Variants in LOC400499 observed in about 807,000 individuals in gnomAD.
At chr16:11,466,353 G>A in the LOC400499 span, among the ~76,000 whole-genome samples, 2 of 151,862 alleles carry the variant, frequency 1.3e-5, no homozygotes, top group South Asian at 4.1e-4. Context: ...TGCAGCCAAA[G>A]AACCAAATCT....
chr16:11,399,045 C>A, the LOC400499 span, among the ~76,000 whole-genome samples: 530 of 152,276 alleles, frequency 3.5e-3, 3 homozygotes, highest in African/African-American at 0.012. Context: ...AGGGCCAGCT[C>A]TCCCCATTTC....
At chr16:11,396,247 C>G in the LOC400499 span, among the ~76,000 whole-genome samples, 1 of 152,218 alleles carries the variant, frequency 6.6e-6, no homozygotes, top group Non-Finnish European at 1.5e-5. Context: ...CAGCCACTGC[C>G]TCTCTGTTAT....
the LOC400499 span, chr16:11,398,357 G>C: frequency 2.4e-5 from 29 of 1,232,264 alleles, no homozygotes; most frequent in Non-Finnish European, 2.9e-5. Flanking sequence ...CCCTGGGCAG[G>C]TCACAGAGCC....
chr16:11,495,331 G>A, the LOC400499 span, among the ~76,000 whole-genome samples: 2 of 152,022 alleles, frequency 1.3e-5, no homozygotes, highest in African/African-American at 2.4e-5. Flanking sequence ...AGGGGGTTCA[G>A]GACACAGCTG....
At chr16:11,393,353 G>A in the LOC400499 span, 31 of 1,230,634 alleles carry the variant, frequency 2.5e-5, no homozygotes, top group Admixed American at 4.2e-5. Flanking sequence ...CAGGGGCCGT[G>A]GCCCAGCTAG....
At chr16:11,523,371 G>T in the LOC400499 span, 1 of 398,668 alleles carries the variant, frequency 2.5e-6, no homozygotes, top group Non-Finnish European at 4.4e-6. Flanking sequence ...CTGGGCTCAG[G>T]CTCCTGGTCA....
At chr16:11,460,552 A>T in the LOC400499 span, 3 of 1,535,614 alleles carry the variant, frequency 2.0e-6, no homozygotes, top group Non-Finnish European at 2.6e-6. Context: ...CGTCTGAGCC[A>T]CTGTCTGCCC....
the LOC400499 span, among the ~76,000 whole-genome samples, chr16:11,480,220 G>C: frequency 6.6e-6 from 1 of 152,196 alleles, no homozygotes; most frequent in Admixed American, 6.5e-5. Flanking sequence ...TGAGTCTCTA[G>C]GAAAAGTGAG....
the LOC400499 span, among the ~76,000 whole-genome samples, chr16:11,391,490 G>C: frequency 6.6e-6 from 1 of 152,196 alleles, no homozygotes; most frequent in Non-Finnish European, 1.5e-5. Context: ...AAAGGCTGTA[G>C]ATCTATAACA....
chr16:11,451,490 C>G, the LOC400499 span, among the ~76,000 whole-genome samples: 1 of 151,990 alleles, frequency 6.6e-6, no homozygotes, highest in Non-Finnish European at 1.5e-5. Context: ...GAGGTGGAGG[C>G]TGCAGTGGCT....
At chr16:11,387,339 T>C in the LOC400499 span, 1 of 1,227,546 alleles carries the variant, frequency 8.1e-7, no homozygotes, top group Non-Finnish European at 1.0e-6. Flanking sequence ...TGCCCGAGCC[T>C]TGCTTCCCTT....
chr16:11,457,274 G>C, the LOC400499 span: 2 of 497,788 alleles, frequency 4.0e-6, no homozygotes, highest in South Asian at 5.6e-5. Flanking sequence ...AGCTACTGTG[G>C]AAAACAGTGT....
chr16:11,501,436 T>G, the LOC400499 span, among the ~76,000 whole-genome samples: 2 of 152,168 alleles, frequency 1.3e-5, no homozygotes, highest in Non-Finnish European at 2.9e-5. Flanking sequence ...CACCTCACTG[T>G]AGCCGCCACC....
chr16:11,498,518 T>TAAAA, the LOC400499 span, among the ~76,000 whole-genome samples: 2 of 151,630 alleles, frequency 1.3e-5, no homozygotes, highest in Non-Finnish European at 2.9e-5. Flanking sequence ...AATAAATAAA[T>TAAAA]AAAATTAATC....
the LOC400499 span, among the ~76,000 whole-genome samples, chr16:11,395,715 G>A: frequency 1.3e-5 from 2 of 152,222 alleles, no homozygotes; most frequent in Non-Finnish European, 2.9e-5. Flanking sequence ...TGACAGAGGG[G>A]AAGACTGAGG....
the LOC400499 span, among the ~76,000 whole-genome samples, chr16:11,429,572 C>T: frequency 7.3e-5 from 11 of 151,376 alleles, no homozygotes; most frequent in Non-Finnish European, 5.9e-5. Flanking sequence ...CTCCCATGTT[C>T]GAGTGATTCT....
the LOC400499 span, among the ~76,000 whole-genome samples, chr16:11,424,634 C>T: frequency 2.0e-5 from 3 of 152,218 alleles, no homozygotes; most frequent in Non-Finnish European, 2.9e-5. Flanking sequence ...GGACTTCCAG[C>T]TCCCCGAGGA....
At chr16:11,525,930 C>G in the LOC400499 span, among the ~76,000 whole-genome samples, 1 of 152,224 alleles carries the variant, frequency 6.6e-6, no homozygotes, top group Non-Finnish European at 1.5e-5. Context: ...AGATCCTACT[C>G]ACTTCCAGGA....
chr16:11,526,863 G>C, the LOC400499 span, among the ~76,000 whole-genome samples: 7 of 152,128 alleles, frequency 4.6e-5, no homozygotes, highest in Non-Finnish European at 1.0e-4. Flanking sequence ...TTCAGATCTG[G>C]TCTCTGCAGC....
Sources: allele counts gnomAD v4.1 joint callset (sites outside exome capture counted in the v4.1 genomes callset), GRCh38; gene constraint gnomAD v4.1.1; transcripts MANE v1.5.